ING5: variants seen among roughly 807,000 people sequenced by gnomAD.
ING5 encodes the protein inhibitor of growth family member 5, also known as inhibitor of growth protein 5.
Under a neutral mutation model 37.4 loss-of-function variants are expected in ING5, and 17 were observed. The ratio of observed to expected loss-of-function variants is 0.45; its 90% CI spans 0.31 to 0.68. The LOEUF is 0.68. Ranked by LOEUF, ING5 falls within the 30% of genes least tolerant of loss-of-function variation. The pLI, the probability that ING5 is intolerant of heterozygous loss-of-function variation, is 0.05. For synonymous variants in ING5, 123 were observed against 116.6 expected, an observed-to-expected ratio of 1.06 and a Z score of -0.36; for missense variants, 233 against 311.9, an observed-to-expected ratio of 0.75 and a Z score of 1.91.
At position 241,726,029 on chromosome 2, in the gene ING5, C is replaced by T. The variant is rs1280696814; in HGVS notation, c.*998C>T. ...TGCTTTTTGTTTAATGAGCGTTCAC[C>T]AAGCTGAGCCGGAGCCATCCTTTCG... is the stretch of plus-strand genomic sequence containing the variant. On this transcript the variant is annotated 3_prime_UTR_variant, in exon 8 of 8. Coordinates refer to ENST00000313552, the MANE Select transcript of ING5 (RefSeq NM_032329.6). 2.0e-5 allele frequency: 3 copies of T among 152,596 alleles called. No individual in the cohort carries two copies. The highest frequency in any genetic ancestry group is 2.9e-5 in the Non-Finnish European group (2 of 68,028). 9.5% of individuals were successfully genotyped at this position (152,596 alleles called of 1,614,324 possible). A position where few individuals can be genotyped will look rare whatever the true frequency, so the allele number is the denominator to read the frequency against.
intron 5 of ING5, among the ~76,000 whole-genome samples, chr2:241,713,198 A>G (rs2070169285): frequency 6.6e-6 from 1 of 151,106 alleles, no homozygotes; most frequent in Admixed American, 6.6e-5. Flanking sequence ...CTGCAACTAC[A>G]AGTGCGCACC....
Position 241,729,258 on chromosome 2 carries a change from T to C in ING5, c.*4227T>C, listed in dbSNP as rs1691733060. On this transcript the variant is annotated 3_prime_UTR_variant, in exon 8 of 8. Coordinates refer to ENST00000313552, the MANE Select transcript of ING5 (RefSeq NM_032329.6). Reference sequence around the variant, plus strand: ...TTCTTCCTCTGTATGTATTTTGTGGTGTCCACCTTTAACCACGTTTCATCC... The same window carrying C: ...TTCTTCCTCTGTATGTATTTTGTGGCGTCCACCTTTAACCACGTTTCATCC... 1 of 152,356 alleles carries C rather than the reference T, an allele frequency of 6.6e-6. No homozygotes were observed. Among genetic ancestry groups the C allele is most frequent in the Non-Finnish European group, 1.5e-5 (1 of 67,906 alleles). 9.4% of individuals were successfully genotyped at this position (152,356 alleles called of 1,614,324 possible). A position where few individuals can be genotyped will look rare whatever the true frequency, so the allele number is the denominator to read the frequency against.
At chr2:241,713,575 G>A (rs2070183260) in intron 5 of ING5, among the ~76,000 whole-genome samples, 1 of 149,702 alleles carries the variant, frequency 6.7e-6, no homozygotes, top group South Asian at 2.1e-4. Flanking sequence ...GTTTCACCTT[G>A]TTAGTCAGGA....
chr2:241,725,107 T>A lies in ING5; in HGVS notation c.*76T>A, dbSNP rs1691560590. 3 of 1,465,128 alleles carry A rather than the reference T, an allele frequency of 2.0e-6. No individual in the cohort carries two copies. In the East Asian group the frequency reaches 6.8e-5, roughly 33 times the overall value. The allele number at this position is 1,465,128 out of a possible 1,614,324, so 90.8% of individuals were successfully genotyped here. A position where few individuals can be genotyped will look rare whatever the true frequency, so the allele number is the denominator to read the frequency against. ...CGTGTCGCAATATTTCCCTTCCTTT[T>A]AAAACTACCTTGTTCGGTTGATACT... On this transcript the variant is annotated 3_prime_UTR_variant, in exon 8 of 8. Transcript: ENST00000313552.
Position 241,693,242 on chromosome 2 carries a change from G to A in ING5, c.43+2589G>A, listed in dbSNP as rs138425558. On this transcript the variant is annotated intron_variant, in intron 2 of 7. Transcript: ENST00000636051. ...TGCACTCCAGCCTGGGCGACAGGGC[G>A]AGACTGTCTCAAAAAAAAAAAAAAA... Among the ~76,000 whole-genome samples the A allele has an allele frequency of 4.0e-3, 539 of 135,706 alleles. 3 individuals carry two copies. Among genetic ancestry groups the A allele is most frequent in the African/African-American group, 0.015 (519 of 35,194 alleles). The allele number at this position is 135,706 out of a possible 152,430, so 89.0% of individuals were successfully genotyped here. A position where few individuals can be genotyped will look rare whatever the true frequency, so the allele number is the denominator to read the frequency against.
chr2:241,708,546 T>A (rs188102362), intron 2 of ING5, among the ~76,000 whole-genome samples: 142 of 152,366 alleles, frequency 9.3e-4, no homozygotes, highest in African/African-American at 3.3e-3. Context: ...TTAAGAGTTG[T>A]GTCTGTTTCT....
chr2:241,722,167 C>T (rs2070450846), intron 5 of ING5: 1 of 985,390 alleles, frequency 1.0e-6, no homozygotes, highest in Non-Finnish European at 1.2e-6. Flanking sequence ...TACGGGAGAG[C>T]TGTTGACTGT....
chr2:241,721,056 T>A (rs761306760), intron 5 of ING5: 26 of 985,510 alleles, frequency 2.6e-5, no homozygotes, highest in Non-Finnish European at 3.0e-5. Context: ...AGATGTCAGG[T>A]CGGGCTTTGT....
intron 1 of ING5, 91 bp downstream of exon 1, chr2:241,702,193 C>T (rs1452445976): frequency 7.4e-6 from 5 of 674,196 alleles, no homozygotes; most frequent in Admixed American, 5.9e-5. Context: ...ATGCAGACCC[C>T]GTGGGCTCGG....
chr2:241,711,954 A>G (rs1029369826), intron 4 of ING5, 24 bp from the exon 5 acceptor site: 1 of 1,548,228 alleles, frequency 6.5e-7, no homozygotes, highest in Non-Finnish European at 8.7e-7. Context: ...TATAAAAATA[A>G]TTTGCATCTT....
At chr2:241,714,181 C>G (rs1215774314) in intron 5 of ING5, among the ~76,000 whole-genome samples, 1 of 152,112 alleles carries the variant, frequency 6.6e-6, no homozygotes, top group African/African-American at 2.4e-5. Flanking sequence ...CCTCCTGCCC[C>G]CAAATAAACA....
rs529426420 is a variant in ING5 at position 241,711,768 on chromosome 2, G to A, written c.389-210G>A. ...ATTTAAAAATTAGCCAGGTGTGGTG[G>A]TGCACACCTGTGGTCCCAGCTACTC... is the stretch of plus-strand genomic sequence containing the variant. On this transcript the variant is annotated intron_variant, in intron 4 of 7. Coordinates refer to ENST00000313552, the MANE Select transcript of ING5 (RefSeq NM_032329.6). 6.4e-5 allele frequency: 38 copies of A among 595,272 alleles called. No homozygotes were observed. In the South Asian group the frequency reaches 8.1e-4, roughly 13 times the overall value. The allele number at this position is 595,272 out of a possible 1,614,324, so 36.9% of individuals were successfully genotyped here. A position where few individuals can be genotyped will look rare whatever the true frequency, so the allele number is the denominator to read the frequency against.
At chr2:241,702,006 GC>G, upstream of ING5, 3 of 1,258,138 alleles carry the variant, frequency 2.4e-6, no homozygotes, top group Non-Finnish European at 2.0e-6. Flanking sequence ...GCACCGCCCC[GC>G]CCCCGCCTCC....
At position 241,729,424 on chromosome 2, in the gene ING5, C is replaced by A. The variant is rs150406548; in HGVS notation, c.*4393C>A. ...AAGATGTATATCAGTATTTTTGGAT[C>A]ATGTTATAGATTATGGATATATTGT... On this transcript the variant is annotated 3_prime_UTR_variant, in exon 8 of 8. Transcript: ENST00000313552. The A allele has an allele frequency of 0.017, 2,543 of 152,630 alleles. 42 individuals are homozygous for A. Among genetic ancestry groups the A allele is most frequent in the Non-Finnish European group, 0.025 (1,698 of 68,020 alleles). 9.5% of individuals were successfully genotyped at this position (152,630 alleles called of 1,614,324 possible).
At chr2:241,724,825 C>T (rs963057611) in intron 7 of ING5, 164 bp from the exon 8 acceptor site, 8 of 643,084 alleles carry the variant, frequency 1.2e-5, no homozygotes, top group East Asian at 2.7e-5. Flanking sequence ...CGTGCATCGG[C>T]GCATTTTCCC....
intron 1 of ING5, 143 bp from the exon 2 acceptor site, chr2:241,704,510 G>T: frequency 1.5e-6 from 1 of 651,388 alleles, no homozygotes; most frequent in East Asian, 2.9e-5. Context: ...GTAGGTTGCA[G>T]TGAGCCAAGA....
chr2:241,711,291 G>A, intron 3 of ING5, 86 bp from the exon 4 acceptor site: 3 of 918,004 alleles, frequency 3.3e-6, no homozygotes, highest in East Asian at 2.9e-5. Flanking sequence ...GCAAGAAGGT[G>A]TTTCCTGGTG....
chr2:241,693,958 CCT>C, intron 2 of ING5, among the ~76,000 whole-genome samples: 1 of 151,686 alleles, frequency 6.6e-6, no homozygotes, highest in South Asian at 2.1e-4. Context: ...CGCGCCTGGC[CCT>C]CTCTGGCAGT....
chr2:241,713,814 C>G (rs1364985366), intron 5 of ING5, among the ~76,000 whole-genome samples: 1 of 151,962 alleles, frequency 6.6e-6, no homozygotes, highest in Non-Finnish European at 1.5e-5. Flanking sequence ...TATGGTGAAA[C>G]CCCGTCTCTA....
Sources: allele counts gnomAD v4.1 joint callset (sites outside exome capture counted in the v4.1 genomes callset), GRCh38; gene constraint gnomAD v4.1.1; transcripts MANE v1.5; gene names NCBI Gene and HGNC (gene_info 2026-07-23, HGNC 2026-07-21).